The following MALRD1 variants were observed in gnomAD, a reference collection of about 807,000 sequenced individuals.
The protein encoded by MALRD1 is MAM and LDL-receptor class A domain-containing protein 1.
Under a neutral mutation model 242.1 loss-of-function variants are expected in MALRD1, and 247 were observed. The observed-to-expected ratio is 1.02, with a 90% CI of 0.92 to 1.13. The LOEUF (loss-of-function observed/expected upper bound fraction) is 1.13, where lower values mean the gene tolerates loss of function less well. MALRD1 is among the 50% of genes most tolerant of loss of function. MALRD1 has a pLI of 0.00. For synonymous variants in MALRD1, 995 were observed against 866.6 expected (o/e 1.15, Z -2.60); for missense variants, 2,989 against 2,533.1 (o/e 1.18, Z -3.86).
At chr10:19,447,351 T>C (rs966102420) in intron 28 of MALRD1, among the ~76,000 whole-genome samples, 1 of 152,192 alleles carries the variant, frequency 6.6e-6, no homozygotes, top group African/African-American at 2.4e-5. Context: ...GGATAACATT[T>C]GATATTATGA....
At chr10:19,320,401 C>T (rs1385832214) in intron 21 of MALRD1, among the ~76,000 whole-genome samples, 1 of 152,034 alleles carries the variant, frequency 6.6e-6, no homozygotes, top group East Asian at 1.9e-4. Flanking sequence ...GACATGAACT[C>T]ATTCTTTTTT....
intron 38 of MALRD1, among the ~76,000 whole-genome samples, chr10:19,718,963 T>C (rs1834555223): frequency 6.6e-6 from 1 of 150,488 alleles, no homozygotes; most frequent in African/African-American, 2.5e-5. Context: ...GTCTTGGAGC[T>C]CGAGGCAACA....
intron 1 of MALRD1, among the ~76,000 whole-genome samples, chr10:19,063,148 C>T (rs149970316): frequency 6.6e-6 from 1 of 151,388 alleles, no homozygotes; most frequent in African/African-American, 2.4e-5. Flanking sequence ...CCTGTCCCCC[C>T]CCCAAAAAAA....
intron 31 of MALRD1, among the ~76,000 whole-genome samples, chr10:19,507,176 A>G (rs544701869): frequency 6.6e-6 from 1 of 152,144 alleles, no homozygotes; most frequent in Non-Finnish European, 1.5e-5. Context: ...TTCCGCCATG[A>G]TCCAGTCACC....
intron 18 of MALRD1, among the ~76,000 whole-genome samples, chr10:19,226,737 T>C: frequency 6.6e-6 from 1 of 151,990 alleles, no homozygotes; most frequent in East Asian, 1.9e-4. Context: ...AGAAAAATAA[T>C]ATTCTCATGT....
At chr10:19,451,280 T>G (rs911774449) in intron 29 of MALRD1, among the ~76,000 whole-genome samples, 9 of 152,126 alleles carry the variant, frequency 5.9e-5, no homozygotes, top group Non-Finnish European at 2.9e-5. Context: ...CAGGCAAAAT[T>G]GAAGCAGAAA....
chr10:19,374,116 C>T (rs1269020377), intron 26 of MALRD1, among the ~76,000 whole-genome samples: 2 of 152,136 alleles, frequency 1.3e-5, no homozygotes, highest in Non-Finnish European at 2.9e-5. Context: ...ACATTAGCTA[C>T]TTTTTTAACG....
intron 19 of MALRD1, among the ~76,000 whole-genome samples, chr10:19,265,846 G>C (rs936846644): frequency 6.6e-6 from 1 of 151,848 alleles, no homozygotes; most frequent in East Asian, 1.9e-4. Flanking sequence ...TTGTTTTGCT[G>C]TCTCTTTCTC....
chr10:19,235,756 G>T (rs895892313), intron 18 of MALRD1, among the ~76,000 whole-genome samples: 1 of 152,092 alleles, frequency 6.6e-6, no homozygotes, highest in African/African-American at 2.4e-5. Context: ...GAGAAACAGG[G>T]ATCATTCAGG....
At chr10:19,130,210 T>C (rs1833046887) in intron 8 of MALRD1, among the ~76,000 whole-genome samples, 1 of 152,062 alleles carries the variant, frequency 6.6e-6, no homozygotes, top group South Asian at 2.1e-4. Flanking sequence ...CATTACAAAC[T>C]GTCCAGATAC....
At chr10:19,503,572 A>G (rs1449020596) in intron 31 of MALRD1, among the ~76,000 whole-genome samples, 1 of 152,222 alleles carries the variant, frequency 6.6e-6, no homozygotes, top group Non-Finnish European at 1.5e-5. Flanking sequence ...GGTGACATTT[A>G]TGTAGCTTGA....
At chr10:19,458,645 A>G (rs1226955250) in intron 29 of MALRD1, among the ~76,000 whole-genome samples, 2 of 152,152 alleles carry the variant, frequency 1.3e-5, no homozygotes, top group Admixed American at 6.5e-5. Flanking sequence ...GTCAATAAGA[A>G]TCAGAATTGG....
chr10:19,323,794 A>T (rs974817730), intron 21 of MALRD1, among the ~76,000 whole-genome samples, 155 bp from the exon 22 acceptor site: 1 of 152,042 alleles, frequency 6.6e-6, no homozygotes, highest in Non-Finnish European at 1.5e-5. Context: ...TATTTTTAGT[A>T]GAGACGGTGT....
chr10:19,307,389 G>C (rs1385908165), intron 21 of MALRD1, among the ~76,000 whole-genome samples: 1 of 151,532 alleles, frequency 6.6e-6, no homozygotes, highest in Non-Finnish European at 1.5e-5. Flanking sequence ...ACTGTCAGGA[G>C]GCAGTCTCTC....
At chr10:19,704,160 T>C (rs762773876) in intron 38 of MALRD1, among the ~76,000 whole-genome samples, 1 of 152,142 alleles carries the variant, frequency 6.6e-6, no homozygotes, top group Non-Finnish European at 1.5e-5. Context: ...AAATAACATA[T>C]ATTCATGTGA....
intron 14 of MALRD1, among the ~76,000 whole-genome samples, chr10:19,176,366 C>CTTTTTTTTTTTTTTTTT (rs11443184): frequency 1.4e-4 from 12 of 87,302 alleles, no homozygotes; most frequent in Admixed American, 2.9e-4. Context: ...TTTCTGGGTG[C>CTTTTTTTTTTTTTTTTT]TTTTTTTTTT....
At chr10:19,581,325 C>T (rs541585070) in intron 33 of MALRD1, among the ~76,000 whole-genome samples, 274 of 149,782 alleles carry the variant, frequency 1.8e-3, no homozygotes, top group African/African-American at 6.4e-3. Flanking sequence ...CCCACTAACT[C>T]GTCATCTAGC....
At chr10:19,279,061 G>A (rs1812793983) in intron 19 of MALRD1, among the ~76,000 whole-genome samples, 1 of 152,008 alleles carries the variant, frequency 6.6e-6, no homozygotes, top group African/African-American at 2.4e-5. Flanking sequence ...CAGAAGCAGC[G>A]GCCTAGGCTC....
intron 25 of MALRD1, among the ~76,000 whole-genome samples, chr10:19,351,037 G>T (rs1844353487): frequency 6.6e-6 from 1 of 152,210 alleles, no homozygotes; most frequent in South Asian, 2.1e-4. Context: ...TGGGAGATGG[G>T]TAGAGTCACT....
Sources: gnomAD v4.1 joint callset for allele counts (sites outside exome capture counted in the v4.1 genomes callset) on GRCh38, gnomAD v4.1.1 for gene constraint, MANE v1.5 for transcripts, NCBI Gene and HGNC (gene_info 2026-07-23, HGNC 2026-07-21) for gene names.